The following USP13 variants were observed in gnomAD, a reference collection of about 807,000 sequenced individuals.
USP13 encodes the protein ubiquitin specific peptidase 13.
USP13 carries 68 observed loss-of-function variants against 107.8 expected under a neutral mutation model. The ratio of observed to expected loss-of-function variants is 0.63; its 90% CI spans 0.52 to 0.77. The LOEUF is 0.77. USP13 is among the 30% of genes least tolerant of loss of function. The pLI is 0.00. For synonymous variants in USP13, 377 were observed against 389.5 expected (o/e 0.97, Z 0.38); for missense variants, 945 against 1,093.3 (o/e 0.86, Z 1.91).
chr3:179,754,869 CAGG>C lies in USP13; in HGVS notation c.1921+18_1921+20del. ...TGACTCAAAAGGTACCATCTCCTGC[CAGG>C]AGAATATGCGCTACCCTCCCACCCT... On this transcript the variant is annotated intron_variant, in intron 15 of 20. Transcript: ENST00000263966. The C allele has an allele frequency of 6.2e-7, 1 of 1,604,882 alleles. No individual in the cohort carries two copies. The highest frequency in any genetic ancestry group is 8.5e-7 in the Non-Finnish European group (1 of 1,176,036).
chr3:179,739,475 T>C (rs1322515266), intron 10 of USP13, among the ~76,000 whole-genome samples: 1 of 152,190 alleles, frequency 6.6e-6, no homozygotes, highest in Non-Finnish European at 1.5e-5. Context: ...AAGTGCTCCA[T>C]TCTTCAGGAG....
In USP13 at chr3:179,742,761, G is replaced by C. The variant is rs1714248923; in HGVS notation, c.1534+411G>C. ...TTAGACATTCGAGCAGAGGTCTCTTGAAATAATCCAGCTTTGGCACATGAG... is the reference window on the plus strand; with the variant it reads ...TTAGACATTCGAGCAGAGGTCTCTTCAAATAATCCAGCTTTGGCACATGAG... On this transcript the variant is annotated intron_variant, in intron 12 of 20. Transcript: ENST00000263966. The surrounding 1 kb of genome is among the most constrained non-coding windows in gnomAD (Gnocchi z 5.0). 6.6e-6 allele frequency among the ~76,000 whole-genome samples: 1 copy of C among 152,196 alleles called. No individual in the cohort carries two copies.
At chr3:179,747,587 A>G (rs1386356986) in intron 13 of USP13, among the ~76,000 whole-genome samples, 1 of 152,078 alleles carries the variant, frequency 6.6e-6, no homozygotes, top group African/African-American at 2.4e-5. Context: ...CCTTTTCAAC[A>G]CCTGGAAATG....
chr3:179,735,705 C>G (rs924707708), intron 10 of USP13, among the ~76,000 whole-genome samples: 2 of 152,088 alleles, frequency 1.3e-5, no homozygotes, highest in East Asian at 1.9e-4. Context: ...ATAATACCTT[C>G]TTTCTTCTTT....
intron 3 of USP13, among the ~76,000 whole-genome samples, 189 bp downstream of exon 3, chr3:179,690,490 A>T (rs1274795670): frequency 6.6e-6 from 1 of 152,184 alleles, no homozygotes; most frequent in East Asian, 1.9e-4. Context: ...TAGCCCTCTT[A>T]GTTGGGTTTA....
In USP13 at chr3:179,759,346, A is replaced by C. The variant is rs373120539; in HGVS notation, c.1949-1766A>C. Among the ~76,000 whole-genome samples the C allele has an allele frequency of 7.9e-5, 12 of 152,326 alleles. No homozygotes were observed. The East Asian group carries it at 2.3e-3, about 29-fold the overall frequency. ...TTTGAGATTATATCTCTATCTATATATCTTTTAAGACTAAAGTCTTAAAAG... is the reference window on the plus strand; with the variant it reads ...TTTGAGATTATATCTCTATCTATATCTCTTTTAAGACTAAAGTCTTAAAAG... On this transcript the variant is annotated intron_variant, in intron 16 of 20. Coordinates refer to ENST00000263966, the MANE Select transcript of USP13 (RefSeq NM_003940.3).
intron 1 of USP13, among the ~76,000 whole-genome samples, chr3:179,670,514 C>T (rs554916171): frequency 5.3e-5 from 8 of 152,110 alleles, no homozygotes; most frequent in Non-Finnish European, 1.0e-4. Flanking sequence ...ACAGTGTTCC[C>T]GATTAGTTTC....
intron 6 of USP13, among the ~76,000 whole-genome samples, chr3:179,711,085 T>C (rs945058767): frequency 6.6e-6 from 1 of 152,218 alleles, no homozygotes; most frequent in Non-Finnish European, 1.5e-5. Context: ...GAAAACATTG[T>C]CCTTTTCAAT....
chr3:179,741,221 G>A (rs924945302), intron 11 of USP13, among the ~76,000 whole-genome samples: 2 of 150,290 alleles, frequency 1.3e-5, no homozygotes, highest in Non-Finnish European at 3.0e-5. Context: ...GTTTGTTTTT[G>A]TTTGTTTGTT....
chr3:179,727,529 A>G (rs1713572459), intron 8 of USP13, among the ~76,000 whole-genome samples: 1 of 116,906 alleles, frequency 8.6e-6, no homozygotes, highest in African/African-American at 3.0e-5. Flanking sequence ...AATTTTTCTT[A>G]GTACAGAACA....
chr3:179,700,958 G>C (rs756322172), intron 3 of USP13, 50 bp from the exon 4 acceptor site: 3 of 1,576,314 alleles, frequency 1.9e-6, no homozygotes, highest in Non-Finnish European at 2.6e-6. Flanking sequence ...GCCATAGTGT[G>C]GGATATTATT....
At chr3:179,672,270 A>T (rs182154166) in intron 1 of USP13, among the ~76,000 whole-genome samples, 1 of 152,352 alleles carries the variant, frequency 6.6e-6, no homozygotes, top group Non-Finnish European at 1.5e-5. Context: ...AGAGGGATAC[A>T]ATACAAAGTA....
Position 179,742,477 on chromosome 3 carries a change from C to A in USP13, c.1534+127C>A. 1 of 1,161,844 alleles carries A rather than the reference C, an allele frequency of 8.6e-7. No homozygotes were observed. The highest frequency in any genetic ancestry group is 1.2e-6 in the Non-Finnish European group (1 of 824,834). The allele number at this position is 1,161,844 out of a possible 1,614,324, so 72.0% of individuals were successfully genotyped here. ...CCCAGCCCAGGTGATGTCTGCTTTG[C>A]ACATCTCTTTTCATCTCTTTGTTAG... On this transcript the variant is annotated intron_variant, in intron 12 of 20. Transcript: ENST00000263966. This position sits in a 1 kb window ranked among gnomAD's most constrained non-coding sequence, Gnocchi z 5.0.
Position 179,742,140 on chromosome 3 carries a change from A to G in USP13, c.1381-57A>G. On this transcript the variant is annotated intron_variant, in intron 11 of 20. Transcript: ENST00000263966. This position sits in a 1 kb window ranked among gnomAD's most constrained non-coding sequence, Gnocchi z 5.0. ...CCGGGTTTAGAGTTCATTTTCTACT[A>G]AGTCTTAGTGGCTCAATATTCATAC... The G allele has an allele frequency of 6.2e-7, 1 of 1,603,136 alleles. No homozygotes were observed. The highest frequency in any genetic ancestry group is 8.5e-7 in the Non-Finnish European group (1 of 1,171,500).
intron 10 of USP13, among the ~76,000 whole-genome samples, chr3:179,734,205 A>T (rs1713906489): frequency 1.3e-5 from 2 of 152,246 alleles, no homozygotes; most frequent in South Asian, 4.1e-4. Flanking sequence ...ATGCATAAAA[A>T]GGCAGCAGTA....
chr3:179,715,692 G>A lies in USP13; in HGVS notation c.806-4248G>A, dbSNP rs549564694. On this transcript the variant is annotated intron_variant, in intron 6 of 20. Transcript: ENST00000263966. ...GTTTATTTTTTTAGTGTAGCTGCTG[G>A]AGTTGTCTTGTTTTTCTTCTTTTCC... Among the ~76,000 whole-genome samples the A allele has an allele frequency of 2.5e-3, 382 of 151,896 alleles. 4 individuals carry two copies. The highest frequency in any genetic ancestry group is 8.9e-3 in the African/African-American group (369 of 41,448).
intron 6 of USP13, among the ~76,000 whole-genome samples, chr3:179,710,264 G>A (rs1000924223): frequency 3.3e-5 from 5 of 152,180 alleles, no homozygotes; most frequent in African/African-American, 9.7e-5. Flanking sequence ...ACAGGTGATT[G>A]TTATTCAATG....
At position 179,708,827 on chromosome 3, in the gene USP13, T is replaced by C. The variant is rs1169727915; in HGVS notation, c.675T>C (p.Thr225=). The C allele has an allele frequency of 6.2e-7, 1 of 1,614,074 alleles. No individual in the cohort carries two copies. The highest frequency in any genetic ancestry group is 8.5e-7 in the Non-Finnish European group (1 of 1,180,038). Residue 225 remains threonine (T), a synonymous_variant, in exon 6 of 21, where the codon ACT becomes ACC. Transcript: ENST00000263966. ...DLRENLWLNL[T]DGSVLCGKWF... is the part of the protein sequence containing the mutation. Reference sequence around the variant, plus strand: ...GAGAAAACCTCTGGTTGAATCTGACTGACGGCTCTGTCCTGTGTGGAAAGT... The same window carrying C: ...GAGAAAACCTCTGGTTGAATCTGACCGACGGCTCTGTCCTGTGTGGAAAGT...
intron 2 of USP13, among the ~76,000 whole-genome samples, chr3:179,688,194 A>AATCCATCC (rs1214610213): frequency 0.048 from 2,319 of 48,138 alleles, 27 homozygotes; most frequent in Middle Eastern, 0.13. Context: ...TCCATTCATC[A>AATCCATCC]ATCCATCCAT....
Sources: gnomAD v4.1 joint callset for allele counts (sites outside exome capture counted in the v4.1 genomes callset) on GRCh38, gnomAD v4.1.1 for gene constraint, Gnocchi (gnomAD v3.1) non-coding constraint, MANE v1.5 for transcripts, NCBI Gene and HGNC (gene_info 2026-07-23, HGNC 2026-07-21) for gene names.